KIFC3: variants seen among roughly 807,000 people sequenced by gnomAD.
The protein encoded by KIFC3 is kinesin family member C3.
Under a neutral mutation model 101.8 loss-of-function variants are expected in KIFC3, and 60 were observed. The ratio of observed to expected loss-of-function variants is 0.59; its 90% CI spans 0.48 to 0.73. The LOEUF (loss-of-function observed/expected upper bound fraction) is 0.73. KIFC3 is among the 30% of genes least tolerant of loss of function. The probability of loss-of-function intolerance (pLI) is 0.00; values close to 1 mark genes in which losing one functional copy is unlikely to be tolerated. For missense variants in KIFC3, 966 were observed against 1,137.1 expected, an observed-to-expected ratio of 0.85 and a Z score of 2.16; for synonymous variants, 476 against 482.7, an observed-to-expected ratio of 0.99 and a Z score of 0.18.
chr16:57,824,919 C>A (rs1212577182), intron 1 of KIFC3, among the ~76,000 whole-genome samples: 1 of 152,144 alleles, frequency 6.6e-6, no homozygotes, highest in African/African-American at 2.4e-5. Context: ...GCTGGGATGA[C>A]CAATGTGAGC....
At chr16:57,862,724 C>T in intron 1 of KIFC3, 3 of 1,273,640 alleles carry the variant, frequency 2.4e-6, no homozygotes, top group East Asian at 5.6e-5. Context: ...CAGCCAGGCC[C>T]TTACCTTGCA....
chr16:57,795,012 T>C lies in KIFC3; in HGVS notation c.302A>G (p.Tyr101Cys). 6.3e-7 allele frequency: 1 copy of C among 1,591,550 alleles called. No homozygotes were observed. Among genetic ancestry groups the C allele is most frequent in the Non-Finnish European group, 8.5e-7 (1 of 1,172,584 alleles). ...CCCAGTGCTTACCTGCAGGGTCAGG[T>C]AGAGCCCGTGGGGGCTTCCGGGGCC... ...WAGPGSPHGLYLTLQVEHLKE... is the reference protein window; with the variant it reads ...WAGPGSPHGLCLTLQVEHLKE... The change falls in exon 3 of 20, where the codon TAC becomes TGC. Residue 101 changes from tyrosine to cysteine, a missense_variant. Transcript: ENST00000445690.
chr16:57,775,208 G>A, intron 3 of KIFC3: 1 of 1,334,016 alleles, frequency 7.5e-7, no homozygotes, highest in Non-Finnish European at 9.6e-7. Flanking sequence ...CGCAACCAGG[G>A]CAGGCTGGGG....
At chr16:57,809,420 C>T (rs1276846626) in intron 1 of KIFC3, among the ~76,000 whole-genome samples, 4 of 152,218 alleles carry the variant, frequency 2.6e-5, no homozygotes, top group African/African-American at 9.6e-5. Context: ...CTCAGCCTCC[C>T]GTGTACTGGA....
intron 2 of KIFC3, among the ~76,000 whole-genome samples, chr16:57,796,041 G>A (rs764889561): frequency 1.3e-5 from 2 of 151,738 alleles, no homozygotes; most frequent in Non-Finnish European, 2.9e-5. Flanking sequence ...TTACAGGTGC[G>A]CACCACCAGC....
intron 1 of KIFC3, among the ~76,000 whole-genome samples, chr16:57,834,019 C>T (rs1203035539): frequency 6.6e-6 from 1 of 151,758 alleles, no homozygotes. Context: ...CGTGCCACCA[C>T]GCCCGGCTAC....
In KIFC3 at chr16:57,770,508, C is replaced by T; in HGVS notation, c.939+19G>A. 7.2e-7 allele frequency: 1 copy of T among 1,379,438 alleles called. No homozygotes were observed. The highest frequency in any genetic ancestry group is 9.4e-7 in the Non-Finnish European group (1 of 1,066,508). The allele number at this position is 1,379,438 out of a possible 1,614,324, so 85.4% of individuals were successfully genotyped here. On this transcript the variant is annotated intron_variant, in intron 7 of 19. Transcript: ENST00000445690. ...TCTGGCTTCCTGGCTGGGCATGTGC[C>T]CCCACACAGCCTGGGTACCTGCGCC...
chr16:57,759,836 A>G lies in KIFC3; in HGVS notation c.2368T>C (p.Trp790Arg). The change falls in exon 18 of 20, where the codon TGG (tryptophan) becomes CGG (arginine). Residue 790 changes from tryptophan to arginine, a missense_variant and splice_region_variant. Coordinates refer to ENST00000445690, the MANE Select transcript of KIFC3 (RefSeq NM_001130100.2). Reference protein sequence around the residue: ...GSWSSQEHLEWEPACQTPQPS... With the variant: ...GSWSSQEHLEREPACQTPQPS... Reference sequence around the variant, plus strand: ...TGTGGCGTCTGACAAGCCGGCTCCCACTGTGAGCAGGGAAGGGCGGATGGG... The same window carrying G: ...TGTGGCGTCTGACAAGCCGGCTCCCGCTGTGAGCAGGGAAGGGCGGATGGG... 1.2e-6 allele frequency: 2 copies of G among 1,606,470 alleles called. No individual in the cohort carries two copies. Among genetic ancestry groups the G allele is most frequent in the South Asian group, 1.1e-5 (1 of 90,070 alleles).
In KIFC3 at chr16:57,760,940, A is replaced by G; in HGVS notation, c.2018T>C (p.Val673Ala). 1 of 1,607,264 alleles carries G rather than the reference A, an allele frequency of 6.2e-7. No individual in the cohort carries two copies. Among genetic ancestry groups the G allele is most frequent in the Non-Finnish European group, 8.5e-7 (1 of 1,178,780 alleles). ...GLRTTGKLNL[V>A]DLAGSERVGK... ...CACGCGCTCCGAGCCAGCCAAGTCC[A>G]CCAGGTTCAGCTTCCCTGCAGGGAA... The change falls in exon 16 of 20, where the codon GTG (valine) becomes GCG (alanine). Residue 673 changes from valine to alanine, a missense_variant. Around this residue, in one of 2 missense-constraint regions of KIFC3, gnomAD observed 689 missense variants for 884.6 expected, o/e 0.78. Coordinates refer to ENST00000445690, the MANE Select transcript of KIFC3 (RefSeq NM_001130100.2).
At chr16:57,760,612 T>G (rs1205022269) in intron 16 of KIFC3, 114 bp downstream of exon 16, 4 of 1,096,336 alleles carry the variant, frequency 3.6e-6, no homozygotes, top group Admixed American at 3.9e-5. Context: ...AGGGTGTGTG[T>G]GGCCAGGTCT....
At chr16:57,798,762 A>C in intron 1 of KIFC3, 1 of 176,670 alleles carries the variant, frequency 5.7e-6, no homozygotes. Flanking sequence ...GAATATTAAC[A>C]TTTCACTGAG....
chr16:57,772,355 T>G, intron 3 of KIFC3, 67 bp from the exon 4 acceptor site: 1 of 1,364,548 alleles, frequency 7.3e-7, no homozygotes, highest in Non-Finnish European at 1.0e-6. Context: ...CCAGGCCTCC[T>G]GCCCAGCACC....
At chr16:57,774,453 T>C (rs1482634581) in intron 3 of KIFC3, among the ~76,000 whole-genome samples, 1 of 152,090 alleles carries the variant, frequency 6.6e-6, no homozygotes, top group African/African-American at 2.4e-5. Flanking sequence ...CCATTAAGTG[T>C]ACAGCACTAA....
chr16:57,768,525 A>ACACACACG (rs2050751636), intron 9 of KIFC3, among the ~76,000 whole-genome samples: 1 of 151,610 alleles, frequency 6.6e-6, no homozygotes, highest in African/African-American at 2.4e-5. Flanking sequence ...ACACACACAC[A>ACACACACG]CACACACACA....
At chr16:57,782,371 G>C (rs2052834519) in intron 3 of KIFC3, 1 of 153,524 alleles carries the variant, frequency 6.5e-6, no homozygotes, top group South Asian at 2.1e-4. Context: ...AACAACAATG[G>C]TGGTGGCCAC....
rs1390889639 is a variant in KIFC3, at chr16:57,758,831, A to G, written c.*103T>C. 41 of 1,604,564 alleles carry G rather than the reference A, an allele frequency of 2.6e-5. No homozygotes were observed. Among genetic ancestry groups the G allele is most frequent in the Non-Finnish European group, 3.2e-5 (38 of 1,174,182 alleles). On this transcript the variant is annotated 3_prime_UTR_variant, in exon 20 of 20. Transcript: ENST00000445690. ...CTACCTCCGGGGGTCCTGGCGCTGC[A>G]GCAGGGACAGGCCAGTGAGGGCCCA... is the stretch of plus-strand genomic sequence containing the variant.
rs782235221 is a variant in KIFC3, at chr16:57,758,796, A to G, written c.*138T>C. The G allele has an allele frequency of 4.4e-6, 6 of 1,369,060 alleles. No individual in the cohort carries two copies. The South Asian group carries it at 6.9e-5, about 16-fold the overall frequency. The allele number at this position is 1,369,060 out of a possible 1,614,324, so 84.8% of individuals were successfully genotyped here. Reference sequence around the variant, plus strand: ...GAGACGGGGCAGAAGAAGAGCCTCCACTCTCGCCTCTACCTCCGGGGGTCC... The same window carrying G: ...GAGACGGGGCAGAAGAAGAGCCTCCGCTCTCGCCTCTACCTCCGGGGGTCC... On this transcript the variant is annotated 3_prime_UTR_variant, in exon 20 of 20. Coordinates refer to ENST00000445690, the MANE Select transcript of KIFC3 (RefSeq NM_001130100.2).
At chr16:57,762,108 G>T in intron 13 of KIFC3, 32 bp downstream of exon 13, 1 of 1,552,754 alleles carries the variant, frequency 6.4e-7, no homozygotes. Context: ...AGCTGCCCCT[G>T]AGGCCTGCTC....
At chr16:57,830,228 T>C (rs1242569426) in intron 1 of KIFC3, among the ~76,000 whole-genome samples, 1 of 148,080 alleles carries the variant, frequency 6.8e-6, no homozygotes, top group Non-Finnish European at 1.5e-5. Context: ...TTCCTTTCTT[T>C]TTTCTTTCTT....
Sources: gnomAD v4.1 joint callset for allele counts (sites outside exome capture counted in the v4.1 genomes callset) on GRCh38, gnomAD v4.1.1 for gene constraint, gnomAD v4.1.1 regional missense constraint, MANE v1.5 for transcripts, NCBI Gene and HGNC (gene_info 2026-07-23, HGNC 2026-07-21) for gene names.